GRM5: variants seen among roughly 807,000 people sequenced by gnomAD.
GRM5 encodes the protein glutamate metabotropic receptor 5, also known as metabotropic glutamate receptor 5.
GRM5 carries 19 observed loss-of-function variants against 83.1 expected under a neutral mutation model. The ratio of observed to expected loss-of-function variants is 0.23; its 90% confidence interval spans 0.16 to 0.34. The LOEUF (loss-of-function observed/expected upper bound fraction) is 0.34. Ranked by LOEUF, GRM5 falls within the 10% of genes least tolerant of loss-of-function variation. The probability of loss-of-function intolerance (pLI) is 1.00; values close to 1 mark genes in which losing one functional copy is unlikely to be tolerated. For missense variants in GRM5, 1,160 were observed against 1,588.3 expected, an observed-to-expected ratio of 0.73 and a Z score of 4.58; for synonymous variants, 675 against 633.6, an observed-to-expected ratio of 1.07 and a Z score of -0.98.
intron 2 of GRM5, among the ~76,000 whole-genome samples, chr11:88,981,174 A>G (rs2135023451): frequency 6.6e-6 from 1 of 152,238 alleles, no homozygotes; most frequent in African/African-American, 2.4e-5. Flanking sequence ...TGGCTTCATC[A>G]ATATATGCAC....
chr11:88,838,084 CAAAAAAAAAAAA>C (rs1157680177), intron 3 of GRM5, among the ~76,000 whole-genome samples: 16 of 55,444 alleles, frequency 2.9e-4, no homozygotes, highest in South Asian at 1.3e-3. Flanking sequence ...GACTCCATCT[CAAAAAAAAAAAA>C]AAAAAAAAAA....
chr11:88,896,086 A>G (rs748766822), intron 2 of GRM5, among the ~76,000 whole-genome samples: 23 of 151,968 alleles, frequency 1.5e-4, no homozygotes, highest in Non-Finnish European at 2.2e-4. Context: ...ATATGTATTG[A>G]AAGTTTTGCA....
At chr11:88,797,898 T>C (rs1044565223) in intron 3 of GRM5, among the ~76,000 whole-genome samples, 33 of 152,132 alleles carry the variant, frequency 2.2e-4, no homozygotes, top group African/African-American at 5.8e-4. Flanking sequence ...TTATATTTAG[T>C]TGGGGAGCTA....
At chr11:88,976,859 C>CAAA (rs57784199) in intron 2 of GRM5, among the ~76,000 whole-genome samples, 1 of 149,040 alleles carries the variant, frequency 6.7e-6, no homozygotes, top group African/African-American at 2.4e-5. Context: ...TCTATAAATA[C>CAAA]AAAAAAAAAA....
At chr11:88,549,335 T>A (rs189809297) in intron 8 of GRM5, among the ~76,000 whole-genome samples, 7 of 151,652 alleles carry the variant, frequency 4.6e-5, no homozygotes, top group East Asian at 3.9e-4. Flanking sequence ...TGTGGTGGCA[T>A]GCACCTGTGG....
At chr11:88,824,774 G>A (rs1320149283) in intron 3 of GRM5, among the ~76,000 whole-genome samples, 2 of 152,152 alleles carry the variant, frequency 1.3e-5, no homozygotes, top group African/African-American at 2.4e-5. Context: ...CCCTTGGCCT[G>A]GCGGTTGGGG....
intron 3 of GRM5, among the ~76,000 whole-genome samples, chr11:88,836,316 C>T (rs1029330069): frequency 3.9e-5 from 6 of 152,150 alleles, no homozygotes; most frequent in African/African-American, 1.2e-4. Context: ...GTGAAACTAT[C>T]GTACAAAAAT....
intron 9 of GRM5, among the ~76,000 whole-genome samples, chr11:88,517,281 T>C (rs376625625): frequency 2.0e-5 from 3 of 152,082 alleles, no homozygotes; most frequent in East Asian, 3.9e-4. Flanking sequence ...TCAAAGAACT[T>C]GTGTGCATAA....
chr11:88,851,377 G>A (rs1276287963), intron 2 of GRM5, among the ~76,000 whole-genome samples: 5 of 152,058 alleles, frequency 3.3e-5, no homozygotes, highest in African/African-American at 1.2e-4. Context: ...CCTAGGAACT[G>A]GAATCTCATC....
intron 3 of GRM5, among the ~76,000 whole-genome samples, chr11:88,802,387 C>T (rs1943413967): frequency 6.6e-6 from 1 of 152,022 alleles, no homozygotes; most frequent in Non-Finnish European, 1.5e-5. Context: ...ATGTCTTTTG[C>T]AGAAACATGA....
At chr11:88,706,117 C>T (rs572309472) in intron 3 of GRM5, among the ~76,000 whole-genome samples, 1 of 152,178 alleles carries the variant, frequency 6.6e-6, no homozygotes, top group African/African-American at 2.4e-5. Context: ...AAATCCTGTG[C>T]TTCTTGATGA....
At chr11:88,589,095 C>T (rs1319592390) in intron 7 of GRM5, among the ~76,000 whole-genome samples, 1 of 152,066 alleles carries the variant, frequency 6.6e-6, no homozygotes, top group African/African-American at 2.4e-5. Flanking sequence ...CGATGCAAGA[C>T]AGTTTTTTAT....
chr11:88,914,012 G>A (rs1034634157), intron 2 of GRM5, among the ~76,000 whole-genome samples: 22 of 151,946 alleles, frequency 1.4e-4, no homozygotes, highest in East Asian at 1.3e-3. Context: ...CATTCCTTTC[G>A]TAGAACCATC....
At chr11:88,921,463 AAAC>A (rs1233210878) in intron 2 of GRM5, among the ~76,000 whole-genome samples, 1 of 152,034 alleles carries the variant, frequency 6.6e-6, no homozygotes, top group Non-Finnish European at 1.5e-5. Context: ...CTCTAGTAAA[AAAC>A]AACAACAAAA....
rs374488092 is a variant in GRM5, at chr11:88,884,418, GC to G, written c.662-34264del. ...ACTGTGTCTAGGAAGTAAGTAACTT[GC>G]TTTTGATTTTACAGGCTCATAGGAG... On this transcript the variant is annotated intron_variant, in intron 2 of 9. Coordinates refer to ENST00000305447, the MANE Select transcript of GRM5 (RefSeq NM_001143831.3). Among the ~76,000 whole-genome samples the G allele has an allele frequency of 1.7e-4, 26 of 152,298 alleles. 1 individual carries two copies. In the South Asian group the frequency reaches 3.3e-3, roughly 19 times the overall value.
At chr11:88,885,877 C>G (rs1466860231) in intron 2 of GRM5, among the ~76,000 whole-genome samples, 1 of 152,110 alleles carries the variant, frequency 6.6e-6, no homozygotes, top group Non-Finnish European at 1.5e-5. Context: ...TTGGCAGGAA[C>G]TGAGGACTAG....
chr11:88,897,784 A>T (rs550924440), intron 2 of GRM5, among the ~76,000 whole-genome samples: 1 of 152,052 alleles, frequency 6.6e-6, no homozygotes, highest in Admixed American at 6.6e-5. Context: ...TTTTCCGATA[A>T]AAGGCACTTT....
chr11:88,881,471 G>T (rs1944952734), intron 2 of GRM5, among the ~76,000 whole-genome samples: 1 of 149,690 alleles, frequency 6.7e-6, no homozygotes, highest in Admixed American at 6.8e-5. Context: ...TAAACTATAA[G>T]ATATCAAAAG....
At chr11:89,023,973 C>A (rs1348019369) in intron 2 of GRM5, among the ~76,000 whole-genome samples, 1 of 151,972 alleles carries the variant, frequency 6.6e-6, no homozygotes, top group African/African-American at 2.4e-5. Context: ...TGCCTGTAAT[C>A]CCAGCACTTT....
Sources: allele counts gnomAD v4.1 joint callset (sites outside exome capture counted in the v4.1 genomes callset), GRCh38; gene constraint gnomAD v4.1.1; transcripts MANE v1.5; gene names NCBI Gene and HGNC (gene_info 2026-07-23, HGNC 2026-07-21).